Variants in PPM1H observed in about 807,000 individuals in gnomAD.
PPM1H encodes the protein protein phosphatase, Mg2+/Mn2+ dependent 1H.
In PPM1H, 27 loss-of-function variants were observed where a neutral mutation model predicts 54.9. The observed-to-expected ratio is 0.49, with a 90% CI of 0.36 to 0.68. The LOEUF (loss-of-function observed/expected upper bound fraction) is 0.68. Among genes scored for constraint, PPM1H ranks in the 30% least tolerant of loss-of-function variants. The probability of loss-of-function intolerance (pLI) is 0.00; values close to 1 mark genes in which losing one functional copy is unlikely to be tolerated. For synonymous variants in PPM1H, 305 were observed against 270.8 expected (o/e 1.13, Z -1.24); for missense variants, 596 against 667.8 (o/e 0.89, Z 1.19).
chr12:62,797,196 C>T (rs1388198909), intron 3 of PPM1H, among the ~76,000 whole-genome samples: 1 of 152,080 alleles, frequency 6.6e-6, no homozygotes, highest in African/African-American at 2.4e-5. Flanking sequence ...AAAGCAAAAA[C>T]TCCCAGTGAA....
chr12:62,898,451 G>C (rs1369499624), intron 1 of PPM1H, among the ~76,000 whole-genome samples: 1 of 152,126 alleles, frequency 6.6e-6, no homozygotes, highest in Non-Finnish European at 1.5e-5. Flanking sequence ...CACCACTCCT[G>C]GTTTTGATAC....
At chr12:62,808,232 T>C (rs1241929406) in intron 2 of PPM1H, among the ~76,000 whole-genome samples, 19 of 152,136 alleles carry the variant, frequency 1.2e-4, no homozygotes, top group Non-Finnish European at 2.6e-4. Flanking sequence ...CTGTGAGAGG[T>C]GTGGTAATTA....
chr12:62,818,276 G>A (rs1427111852), intron 2 of PPM1H, among the ~76,000 whole-genome samples: 1 of 152,080 alleles, frequency 6.6e-6, no homozygotes, highest in Non-Finnish European at 1.5e-5. Context: ...TTCCTGGAAT[G>A]ACTAAATATT....
In PPM1H at chr12:62,806,370, C is replaced by T. The variant is rs556895412; in HGVS notation, c.412-4210G>A. 2.0e-5 allele frequency among the ~76,000 whole-genome samples: 3 copies of T among 152,308 alleles called. No homozygotes were observed. The South Asian group carries it at 6.2e-4, about 32-fold the overall frequency. On this transcript the variant is annotated intron_variant, in intron 2 of 9. Transcript: ENST00000228705. ...ATATGTGATTTGAGCACTTTCTATGCAACAGGCTCTGGAGTAGGCAGTAGA... is the reference window on the plus strand; with the variant it reads ...ATATGTGATTTGAGCACTTTCTATGTAACAGGCTCTGGAGTAGGCAGTAGA...
chr12:62,704,883 C>G (rs922625937), intron 6 of PPM1H, among the ~76,000 whole-genome samples: 1 of 152,310 alleles, frequency 6.6e-6, no homozygotes, highest in Admixed American at 6.5e-5. Flanking sequence ...CCTACCTCCC[C>G]ACTTCTCCCT....
chr12:62,759,532 C>T lies in PPM1H; in HGVS notation c.870-21946G>A, dbSNP rs566160970. Among the ~76,000 whole-genome samples the T allele has an allele frequency of 1.5e-4, 23 of 152,342 alleles. No homozygotes were observed. The East Asian group carries it at 1.5e-3, about 10-fold the overall frequency. ...GGACCCAAAATTCTGGCACTGGTCACGGACTCGGGAAGACAGCCTTCCCTT... is the reference window on the plus strand; with the variant it reads ...GGACCCAAAATTCTGGCACTGGTCATGGACTCGGGAAGACAGCCTTCCCTT... On this transcript the variant is annotated intron_variant, in intron 4 of 9. Transcript: ENST00000228705.
chr12:62,914,126 G>A (rs925955156), intron 1 of PPM1H, among the ~76,000 whole-genome samples: 3 of 152,270 alleles, frequency 2.0e-5, no homozygotes, highest in South Asian at 2.1e-4. Context: ...TTTGGGTCAC[G>A]GAGTCAAATC....
At chr12:62,881,724 T>C (rs192591243) in intron 1 of PPM1H, among the ~76,000 whole-genome samples, 9 of 152,208 alleles carry the variant, frequency 5.9e-5, no homozygotes, top group African/African-American at 2.2e-4. Flanking sequence ...TCAGCTCAAA[T>C]CAAGTTGATT....
intron 8 of PPM1H, among the ~76,000 whole-genome samples, chr12:62,682,983 T>C (rs2136629890): frequency 6.6e-6 from 1 of 150,474 alleles, no homozygotes. Context: ...CACTAATTTA[T>C]TATTTATAAA....
intron 9 of PPM1H, among the ~76,000 whole-genome samples, chr12:62,656,393 G>GTGTT (rs1215152077): frequency 4.6e-5 from 7 of 152,316 alleles, no homozygotes; most frequent in South Asian, 2.1e-4. Flanking sequence ...AGGTCAATAA[G>GTGTT]TGTTAGTTAT....
chr12:62,731,664 G>A (rs184259364), intron 5 of PPM1H, among the ~76,000 whole-genome samples: 32 of 152,246 alleles, frequency 2.1e-4, no homozygotes, highest in Non-Finnish European at 3.8e-4. Flanking sequence ...TGAAACCCAC[G>A]TTCATCTCTT....
At chr12:62,681,406 A>G (rs2076018407) in intron 8 of PPM1H, among the ~76,000 whole-genome samples, 2 of 152,116 alleles carry the variant, frequency 1.3e-5, no homozygotes, top group Admixed American at 1.3e-4. Flanking sequence ...CAGTCCTGCA[A>G]TGACTGCCCT....
rs528560246 is a variant in PPM1H at position 62,765,728 on chromosome 12, G to A, written c.869+22498C>T. Reference sequence around the variant, plus strand: ...CACACAGAGAGGGATCAGTGAACAGGTGTCTGCCTGGGATGGGATGGAGGA... The same window carrying A: ...CACACAGAGAGGGATCAGTGAACAGATGTCTGCCTGGGATGGGATGGAGGA... On this transcript the variant is annotated intron_variant, in intron 4 of 9. Coordinates refer to ENST00000228705, the MANE Select transcript of PPM1H (RefSeq NM_020700.2). Among the ~76,000 whole-genome samples the A allele has an allele frequency of 9.8e-5, 15 of 152,310 alleles. No individual in the cohort carries two copies. The South Asian group carries it at 2.5e-3, about 25-fold the overall frequency.
intron 6 of PPM1H, among the ~76,000 whole-genome samples, chr12:62,698,805 A>G (rs533447325): frequency 1.3e-5 from 2 of 152,056 alleles, no homozygotes; most frequent in Non-Finnish European, 1.5e-5. Flanking sequence ...TTTTTGGCTC[A>G]TGGTCTCCTC....
chr12:62,673,715 CTTTTTTTTTTTTTTTTT>C (rs567775927), intron 8 of PPM1H, among the ~76,000 whole-genome samples: 3 of 41,960 alleles, frequency 7.1e-5, no homozygotes, highest in Non-Finnish European at 1.5e-4. Flanking sequence ...AAGAGCCACT[CTTTTTTTTTTTTTTTTT>C]TTTTTTTTTT....
At chr12:62,930,693 G>A (rs150158357) in intron 1 of PPM1H, among the ~76,000 whole-genome samples, 1,977 of 151,434 alleles carry the variant, frequency 0.013, 34 homozygotes, top group Non-Finnish European at 0.019. Flanking sequence ...AGTAGCTGCC[G>A]CCTGGTCTCT....
intron 1 of PPM1H, among the ~76,000 whole-genome samples, chr12:62,914,219 G>A (rs1287498147): frequency 6.6e-6 from 1 of 152,096 alleles, no homozygotes; most frequent in African/African-American, 2.4e-5. Context: ...GTTATAAGGA[G>A]CTTGGCACCT....
intron 9 of PPM1H, among the ~76,000 whole-genome samples, chr12:62,659,816 C>T (rs760912820): frequency 6.6e-6 from 1 of 152,162 alleles, no homozygotes; most frequent in East Asian, 1.9e-4. Context: ...AAGCACCTTA[C>T]CCTTCTCACC....
chr12:62,895,319 A>G (rs180755672), intron 1 of PPM1H, among the ~76,000 whole-genome samples: 37 of 152,246 alleles, frequency 2.4e-4, no homozygotes. Context: ...ATGCAACTCA[A>G]TGGTGGTATT....
Sources: gnomAD v4.1 joint callset for allele counts (sites outside exome capture counted in the v4.1 genomes callset) on GRCh38, gnomAD v4.1.1 for gene constraint, MANE v1.5 for transcripts, NCBI Gene and HGNC (gene_info 2026-07-23, HGNC 2026-07-21) for gene names.